Variants in CWF19L1 observed in about 807,000 individuals in gnomAD.
CWF19L1 encodes CWF19-like protein 1.
Under a neutral mutation model 69.7 loss-of-function variants are expected in CWF19L1, and 60 were observed. The observed-to-expected ratio is 0.86, with a 90% CI of 0.70 to 1.07. The LOEUF (loss-of-function observed/expected upper bound fraction) is 1.07, where lower values mean the gene tolerates loss of function less well. CWF19L1 is among the 50% of genes least tolerant of loss of function. CWF19L1 has a pLI of 0.00. For missense variants in CWF19L1, 591 were observed against 638.9 expected (o/e 0.92, Z 0.81); for synonymous variants, 209 against 222.2 (o/e 0.94, Z 0.53).
intron 5 of CWF19L1, among the ~76,000 whole-genome samples, chr10:100,255,392 C>A (rs1408674995): frequency 6.6e-6 from 1 of 151,938 alleles, no homozygotes; most frequent in Non-Finnish European, 1.5e-5. Context: ...TGCCTGTAAT[C>A]CCAGCATTTT....
chr10:100,237,880 C>G (rs1489789479), intron 11 of CWF19L1, 142 bp downstream of exon 11: 1 of 694,362 alleles, frequency 1.4e-6, no homozygotes, highest in Admixed American at 2.5e-5. Context: ...AACTCCTGAG[C>G]TCAGGCAATC....
chr10:100,262,068 A>C lies in CWF19L1; in HGVS notation c.24-5T>G. On this transcript the variant is annotated splice_polypyrimidine_tract_variant and splice_region_variant and intron_variant, in intron 1 of 13. Transcript: ENST00000354105. Reference sequence around the variant, plus strand: ...TCAACATCTCCACAAGCCAAGCTGCAAACAAAGAGATAAACATTATAGCAA... The same window carrying C: ...TCAACATCTCCACAAGCCAAGCTGCCAACAAAGAGATAAACATTATAGCAA... 1 of 1,610,062 alleles carries C rather than the reference A, an allele frequency of 6.2e-7. No individual in the cohort carries two copies. The highest frequency in any genetic ancestry group is 1.1e-5 in the South Asian group (1 of 89,976).
intron 5 of CWF19L1, among the ~76,000 whole-genome samples, chr10:100,255,943 A>AAAGG (rs1847199020): frequency 6.6e-6 from 1 of 152,026 alleles, no homozygotes; most frequent in South Asian, 2.1e-4. Context: ...AAAAAACAAA[A>AAAGG]AACAAAAAAC....
At position 100,267,635 on chromosome 10, in the gene CWF19L1, G is replaced by A. The variant is rs887485739; in HGVS notation, c.-42C>T. 3.9e-5 allele frequency: 63 copies of A among 1,613,528 alleles called. No individual in the cohort carries two copies. Among genetic ancestry groups the A allele is most frequent in the Non-Finnish European group, 5.1e-5 (60 of 1,179,560 alleles). ...GGTTGCGACTGCCACCTAAAATTGG[G>A]AATGCGAATCCGCGCTCCCCGGAAA... On this transcript the variant is annotated 5_prime_UTR_variant, in exon 1 of 14. Coordinates refer to ENST00000354105, the MANE Select transcript of CWF19L1 (RefSeq NM_018294.6).
chr10:100,249,829 G>A (rs1231471628), intron 7 of CWF19L1, among the ~76,000 whole-genome samples: 4 of 152,082 alleles, frequency 2.6e-5, no homozygotes, highest in Non-Finnish European at 5.9e-5. Flanking sequence ...CAAGTGATCC[G>A]CCCACCTCAG....
chr10:100,243,597 C>T lies in CWF19L1; in HGVS notation c.1044+101G>A, dbSNP rs556894208. 2.7e-4 allele frequency: 287 copies of T among 1,065,194 alleles called. No individual in the cohort carries two copies. The highest frequency in any genetic ancestry group is 3.9e-4 in the Non-Finnish European group (273 of 691,212). The allele number at this position is 1,065,194 out of a possible 1,614,324, so 66.0% of individuals were successfully genotyped here. ...CTTACGAAAATCACCGAATCATACA[C>T]TTAAACATGGGTAAATGTTATATGT... On this transcript the variant is annotated intron_variant, in intron 10 of 13. Coordinates refer to ENST00000354105, the MANE Select transcript of CWF19L1 (RefSeq NM_018294.6).
intron 7 of CWF19L1, 69 bp from the exon 8 acceptor site, chr10:100,247,004 A>C: frequency 2.9e-6 from 4 of 1,374,356 alleles, no homozygotes. Flanking sequence ...AACCTATTTT[A>C]CTGTGAAGAT....
intron 9 of CWF19L1, among the ~76,000 whole-genome samples, chr10:100,244,805 C>T (rs1846757754): frequency 6.6e-6 from 1 of 151,838 alleles, no homozygotes; most frequent in Non-Finnish European, 1.5e-5. Context: ...AGGTGGGTGC[C>T]ACCATGCCTT....
Position 100,235,747 on chromosome 10 carries a change from T to C in CWF19L1, c.1392A>G (p.Ala464=). Residue 464 remains alanine, a synonymous_variant, in exon 13 of 14, where the codon GCA becomes GCG. Coordinates refer to ENST00000354105, the MANE Select transcript of CWF19L1 (RefSeq NM_018294.6). ...SDIKQIAQPG[A]AYFYVELDTG... is the part of the protein sequence containing the mutation. ...TGTCAAGTTCAACATAAAAATATGC[T>C]GCTCCTGGCTGTGCAATCTAAAGTA... 1 of 1,611,094 alleles carries C rather than the reference T, an allele frequency of 6.2e-7. No homozygotes were observed. The highest frequency in any genetic ancestry group is 1.1e-5 in the South Asian group (1 of 91,060).
intron 6 of CWF19L1, 114 bp downstream of exon 6, chr10:100,253,307 T>C: frequency 3.1e-6 from 2 of 652,912 alleles, no homozygotes; most frequent in South Asian, 3.9e-5. Context: ...CTTCAGTGTC[T>C]GAGTAACCAA....
In CWF19L1 at chr10:100,247,553, T is replaced by C. The variant is rs529218305; in HGVS notation, c.709-618A>G. On this transcript the variant is annotated intron_variant, in intron 7 of 13. Transcript: ENST00000354105. ...TTACTACTGATTAGGGAAATGCAAC[T>C]AAGTAACAATTATATATCATTTATC... 2.6e-5 allele frequency among the ~76,000 whole-genome samples: 4 copies of C among 152,352 alleles called. No individual in the cohort carries two copies. The South Asian group carries it at 8.3e-4, about 32-fold the overall frequency.
intron 5 of CWF19L1, among the ~76,000 whole-genome samples, chr10:100,255,289 C>T (rs368124924): frequency 1.3e-5 from 2 of 152,118 alleles, no homozygotes. Context: ...GAGGCCAAGG[C>T]GGGTGGATCA....
chr10:100,266,682 A>ATTTTTTTTTTTT (rs35028554), intron 1 of CWF19L1, among the ~76,000 whole-genome samples: 11 of 135,104 alleles, frequency 8.1e-5, no homozygotes, highest in African/African-American at 2.8e-4. Context: ...CGCCTGGCTA[A>ATTTTTTTTTTTT]TTTTTTTTTT....
At position 100,260,277 on chromosome 10, in the gene CWF19L1, G is replaced by A; in HGVS notation, c.230C>T (p.Thr77Ile). The A allele has an allele frequency of 6.2e-7, 1 of 1,612,620 alleles. No homozygotes were observed. The highest frequency in any genetic ancestry group is 8.5e-7 in the Non-Finnish European group (1 of 1,178,792). ...TYVLGANNQE[T>I]VKYFQDADGC... is the part of the protein sequence containing the mutation. Reference sequence around the variant, plus strand: ...ATCAGCATCCTGGAAATATTTTACTGTTTCCTGGTTATTAGCACCAAGCAC... The same window carrying A: ...ATCAGCATCCTGGAAATATTTTACTATTTCCTGGTTATTAGCACCAAGCAC... The change falls in exon 4 of 14, where the codon ACA becomes ATA. Residue 77 changes from threonine to isoleucine, a missense_variant. This residue lies in a region of CWF19L1 where 129 missense variants were observed against 131.3 expected (regional missense o/e 0.98). Coordinates refer to ENST00000354105, the MANE Select transcript of CWF19L1 (RefSeq NM_018294.6).
chr10:100,238,082 A>G lies in CWF19L1; in HGVS notation c.1194T>C (p.Ser398=). Residue 398 remains serine, a synonymous_variant, in exon 11 of 14, where the codon AGT becomes AGC. Coordinates refer to ENST00000354105, the MANE Select transcript of CWF19L1 (RefSeq NM_018294.6). ...YKATLRRFFK[S]RGKWCVVFER... is the part of the protein sequence containing the mutation. ...CAAATACAACACACCATTTCCCTCGACTCTTAAAGAACCGTCTCAGAGTGG... is the reference window on the plus strand; with the variant it reads ...CAAATACAACACACCATTTCCCTCGGCTCTTAAAGAACCGTCTCAGAGTGG... 1 of 1,613,966 alleles carries G rather than the reference A, an allele frequency of 6.2e-7. No homozygotes were observed. The highest frequency in any genetic ancestry group is 8.5e-7 in the Non-Finnish European group (1 of 1,180,004).
At chr10:100,261,931 G>T in intron 2 of CWF19L1, 48 bp downstream of exon 2, 1 of 1,505,102 alleles carries the variant, frequency 6.6e-7, no homozygotes, top group Non-Finnish European at 9.0e-7. Context: ...TTATTTTTAT[G>T]TGTGACTACA....
chr10:100,248,732 C>T, intron 7 of CWF19L1: 4 of 1,181,776 alleles, frequency 3.4e-6, no homozygotes, highest in Middle Eastern at 2.5e-4. Flanking sequence ...GAGCAAGCAG[C>T]CACCTTTGGG....
intron 4 of CWF19L1, among the ~76,000 whole-genome samples, chr10:100,259,094 G>A (rs1365922150): frequency 1.3e-5 from 2 of 151,460 alleles, no homozygotes; most frequent in Non-Finnish European, 2.9e-5. Flanking sequence ...CCAGCTACTC[G>A]GAAGGCTGAG....
At chr10:100,266,223 A>G (rs112260278) in intron 1 of CWF19L1, among the ~76,000 whole-genome samples, 1 of 148,066 alleles carries the variant, frequency 6.8e-6, no homozygotes, top group Non-Finnish European at 1.5e-5. Context: ...CAGGGTTTCA[A>G]TCTGTCACCC....
Sources: gnomAD v4.1 joint callset for allele counts (sites outside exome capture counted in the v4.1 genomes callset) on GRCh38, gnomAD v4.1.1 for gene constraint, gnomAD v4.1.1 regional missense constraint, MANE v1.5 for transcripts, NCBI Gene and HGNC (gene_info 2026-07-23, HGNC 2026-07-21) for gene names.